Variants in YKT6 observed in about 807,000 individuals in gnomAD.
The protein encoded by YKT6 is synaptobrevin homolog YKT6.
In YKT6, 12 loss-of-function variants were observed where a neutral mutation model predicts 29.3. That is an observed-to-expected ratio of 0.41 (90% CI 0.26 to 0.66). The LOEUF is 0.66. Among genes scored for constraint, YKT6 ranks in the 30% least tolerant of loss-of-function variants. The pLI is 0.32. For missense variants in YKT6, 188 were observed against 243.8 expected, an observed-to-expected ratio of 0.77 and a Z score of 1.52; for synonymous variants, 86 against 94.3, an observed-to-expected ratio of 0.91 and a Z score of 0.51.
In YKT6 at chr7:44,212,415, C is replaced by T. The variant is rs948620685; in HGVS notation, c.*133C>T. On this transcript the variant is annotated 3_prime_UTR_variant, in exon 7 of 7. Coordinates refer to ENST00000223369, the MANE Select transcript of YKT6 (RefSeq NM_006555.4). ...GACTGGCCATTTTTATTTTGAAGTTCCTGCGAGAAATGGATGGTGGAAGGG... is the reference window on the plus strand; with the variant it reads ...GACTGGCCATTTTTATTTTGAAGTTTCTGCGAGAAATGGATGGTGGAAGGG... The T allele has an allele frequency of 8.6e-7, 1 of 1,156,116 alleles. No homozygotes were observed. Among genetic ancestry groups the T allele is most frequent in the African/African-American group, 1.5e-5 (1 of 65,210 alleles). The allele number at this position is 1,156,116 out of a possible 1,614,324, so 71.6% of individuals were successfully genotyped here. A position where few individuals can be genotyped will look rare whatever the true frequency, so the allele number is the denominator to read the frequency against.
chr7:44,207,056 T>G (rs534748483), intron 3 of YKT6, among the ~76,000 whole-genome samples: 130 of 152,326 alleles, frequency 8.5e-4, no homozygotes, highest in African/African-American at 2.9e-3. Context: ...AAAAAATTGC[T>G]TTGGAAAATT....
chr7:44,211,887 G>A (rs543669246), intron 6 of YKT6, among the ~76,000 whole-genome samples: 1 of 152,382 alleles, frequency 6.6e-6, no homozygotes, highest in South Asian at 2.1e-4. Flanking sequence ...AGCATTGTGT[G>A]AAGACAGGAG....
Position 44,201,065 on chromosome 7 carries a change from G to T in YKT6, c.-71G>T, listed in dbSNP as rs11540050. 65,364 of 1,375,706 alleles carry T rather than the reference G, an allele frequency of 0.048. 1,766 individuals are homozygous for T. The highest frequency in any genetic ancestry group is 0.074 in the East Asian group (2,511 of 33,908). The allele number at this position is 1,375,706 out of a possible 1,614,324, so 85.2% of individuals were successfully genotyped here. ...CGGTAGGCGGCGGCGGTCCCGAGGG[G>T]CGGCGGCCGCGCTGCTCCCTGAGAA... On this transcript the variant is annotated 5_prime_UTR_variant, in exon 1 of 7. Transcript: ENST00000223369.
intron 1 of YKT6, among the ~76,000 whole-genome samples, chr7:44,202,719 TATG>T (rs1284050249): frequency 6.6e-6 from 1 of 152,244 alleles, no homozygotes; most frequent in African/African-American, 2.4e-5. Flanking sequence ...ATGATACTGC[TATG>T]AACATGGATG....
chr7:44,210,801 A>G, intron 5 of YKT6: 1 of 610,492 alleles, frequency 1.6e-6, no homozygotes, highest in Non-Finnish European at 3.1e-6. Flanking sequence ...AGTCTGCTAC[A>G]TCCCAGTTAG....
At chr7:44,210,303 C>CT (rs2096345276) in intron 5 of YKT6, among the ~76,000 whole-genome samples, 1 of 152,186 alleles carries the variant, frequency 6.6e-6, no homozygotes, top group Non-Finnish European at 1.5e-5. Flanking sequence ...TTTTGGGGCT[C>CT]TGAGTGTCTG....
intron 3 of YKT6, among the ~76,000 whole-genome samples, chr7:44,206,761 G>C (rs747101232): frequency 6.6e-6 from 1 of 152,140 alleles, no homozygotes; most frequent in Non-Finnish European, 1.5e-5. Flanking sequence ...GCTGTGCCTT[G>C]TGTTCTCGCC....
At chr7:44,205,298 T>A (rs2096339722) in intron 2 of YKT6, among the ~76,000 whole-genome samples, 1 of 152,224 alleles carries the variant, frequency 6.6e-6, no homozygotes, top group Non-Finnish European at 1.5e-5. Flanking sequence ...TCACAAATAT[T>A]TCAGTGTTCT....
At position 44,213,645 on chromosome 7, in the gene YKT6, G is replaced by A. The variant is rs913486452; in HGVS notation, c.*1363G>A. The A allele has an allele frequency of 2.0e-5, 3 of 152,352 alleles. No individual in the cohort carries two copies. Among genetic ancestry groups the A allele is most frequent in the African/African-American group, 7.2e-5 (3 of 41,438 alleles). 9.4% of individuals were successfully genotyped at this position (152,352 alleles called of 1,614,324 possible). A position where few individuals can be genotyped will look rare whatever the true frequency, so the allele number is the denominator to read the frequency against. ...CACCTATGGGTTTTGAACCAGTGTG[G>A]TATGGTCCTTGGGAGCTCTGCTCTG... On this transcript the variant is annotated 3_prime_UTR_variant, in exon 7 of 7. Coordinates refer to ENST00000223369, the MANE Select transcript of YKT6 (RefSeq NM_006555.4).
Position 44,212,230 on chromosome 7 carries a change from CTT to C in YKT6, c.562-15_562-14del. On this transcript the variant is annotated splice_polypyrimidine_tract_variant and intron_variant, in intron 6 of 6. Transcript: ENST00000223369. ...TCGTCAGTCCTCCTTCTCAGCTCCT[CTT>C]TGTTTTTTTCCAAGGCCCGGAAACA... is the stretch of plus-strand genomic sequence containing the variant. 15 of 1,614,088 alleles carry C rather than the reference CTT, an allele frequency of 9.3e-6. No homozygotes were observed. Among genetic ancestry groups the C allele is most frequent in the Non-Finnish European group, 1.3e-5 (15 of 1,180,006 alleles).
At chr7:44,207,078 G>T (rs2096341624) in intron 3 of YKT6, among the ~76,000 whole-genome samples, 1 of 152,060 alleles carries the variant, frequency 6.6e-6, no homozygotes, top group Non-Finnish European at 1.5e-5. Context: ...GAGGACCAGT[G>T]CCCCTTTTTT....
chr7:44,201,010 G>C lies in YKT6; in HGVS notation c.-126G>C, dbSNP rs530162061. 1 of 691,474 alleles carries C rather than the reference G, an allele frequency of 1.4e-6. No homozygotes were observed. The highest frequency in any genetic ancestry group is 1.9e-5 in the African/African-American group (1 of 51,702). 42.8% of individuals were successfully genotyped at this position (691,474 alleles called of 1,614,324 possible). ...GAGCCAGGAGGAGGAAGCCGGCGGT[G>C]GCCCCGTCAGCAGCCGGCTGCTGAG... On this transcript the variant is annotated 5_prime_UTR_variant, in exon 1 of 7. Transcript: ENST00000223369.
At chr7:44,206,751 G>A (rs1017313407) in intron 3 of YKT6, among the ~76,000 whole-genome samples, 28 of 152,146 alleles carry the variant, frequency 1.8e-4, no homozygotes, top group Admixed American at 6.5e-5. Context: ...CTCGGAGACA[G>A]CTGTGCCTTG....
At chr7:44,205,068 T>C (rs957250589) in intron 2 of YKT6, among the ~76,000 whole-genome samples, 1 of 152,178 alleles carries the variant, frequency 6.6e-6, no homozygotes, top group Non-Finnish European at 1.5e-5. Flanking sequence ...GGTTTAGGCA[T>C]TTATTTAGAT....
intron 1 of YKT6, 75 bp downstream of exon 1, chr7:44,201,314 C>T (rs953395731): frequency 1.9e-4 from 173 of 889,804 alleles, no homozygotes; most frequent in Non-Finnish European, 2.6e-4. Context: ...CGGAGTGGGC[C>T]TGGGGTCGGC....
intron 5 of YKT6, chr7:44,208,459 C>T (rs892397560): frequency 6.9e-6 from 3 of 434,028 alleles, no homozygotes; most frequent in African/African-American, 2.0e-5. Flanking sequence ...CTCATGGCTA[C>T]TGCCTGTCTG....
In YKT6 at chr7:44,201,075, C is replaced by A. The variant is rs2096334868; in HGVS notation, c.-61C>A. Reference sequence around the variant, plus strand: ...CGGCGGTCCCGAGGGGCGGCGGCCGCGCTGCTCCCTGAGAACGGGTCCCGC... The same window carrying A: ...CGGCGGTCCCGAGGGGCGGCGGCCGAGCTGCTCCCTGAGAACGGGTCCCGC... On this transcript the variant is annotated 5_prime_UTR_variant, in exon 1 of 7. Transcript: ENST00000223369. 1.4e-6 allele frequency: 2 copies of A among 1,449,480 alleles called. No homozygotes were observed. Among genetic ancestry groups the A allele is most frequent in the Non-Finnish European group, 1.8e-6 (2 of 1,082,448 alleles). 89.8% of individuals were successfully genotyped at this position (1,449,480 alleles called of 1,614,324 possible). A position where few individuals can be genotyped will look rare whatever the true frequency, so the allele number is the denominator to read the frequency against.
rs1435142653 is a variant in YKT6 at position 44,211,019 on chromosome 7, C to G, written c.460-4C>G. ...AGCTGGATTCTCTTTTCTTTTTTGT[C>G]CAGCACAACACCATGGAGTCTCTGT... is the stretch of plus-strand genomic sequence containing the variant. On this transcript the variant is annotated splice_polypyrimidine_tract_variant and splice_region_variant and intron_variant, in intron 5 of 6. Transcript: ENST00000223369. 2 of 1,613,560 alleles carry G rather than the reference C, an allele frequency of 1.2e-6. No individual in the cohort carries two copies. Among genetic ancestry groups the G allele is most frequent in the African/African-American group, 1.3e-5 (1 of 74,850 alleles).
chr7:44,210,484 T>A (rs922132275), intron 5 of YKT6, among the ~76,000 whole-genome samples: 1 of 152,226 alleles, frequency 6.6e-6, no homozygotes, highest in South Asian at 2.1e-4. Flanking sequence ...TAATCCAGTA[T>A]TACCTCTTCC....
Sources: gnomAD v4.1 joint callset for allele counts (sites outside exome capture counted in the v4.1 genomes callset) on GRCh38, gnomAD v4.1.1 for gene constraint, MANE v1.5 for transcripts, NCBI Gene and HGNC (gene_info 2026-07-23, HGNC 2026-07-21) for gene names.